SF3A3: variants seen among roughly 807,000 people sequenced by gnomAD.
SF3A3 encodes SAP 61.
SF3A3 carries 9 observed loss-of-function variants against 85.8 expected under a neutral mutation model. That is an observed-to-expected ratio of 0.10 (90% CI 0.06 to 0.18). The LOEUF (loss-of-function observed/expected upper bound fraction) is 0.18. Ranked by LOEUF, SF3A3 falls within the 10% of genes least tolerant of loss-of-function variation. The pLI, the probability that SF3A3 is intolerant of heterozygous loss-of-function variation, is 1.00. For synonymous variants in SF3A3, 195 were observed against 204.4 expected, an observed-to-expected ratio of 0.95 and a Z score of 0.39; for missense variants, 306 against 593.3, an observed-to-expected ratio of 0.52 and a Z score of 5.03.
intron 2 of SF3A3, 100 bp from the exon 3 acceptor site, chr1:37,987,936 A>G: frequency 2.2e-6 from 2 of 905,182 alleles, no homozygotes; most frequent in Non-Finnish European, 3.7e-6. Context: ...GGGCAACCTC[A>G]AGAGACATGG....
At chr1:37,989,487 A>G in intron 2 of SF3A3, 61 bp downstream of exon 2, 1 of 1,575,416 alleles carries the variant, frequency 6.3e-7, no homozygotes, top group Admixed American at 1.8e-5. Context: ...ACCGCACTTC[A>G]CTTCCCCTCT....
rs1216195224 is a variant in SF3A3 at position 37,984,206 on chromosome 1, T to C, written c.431A>G (p.Asp144Gly). 2 of 1,609,896 alleles carry C rather than the reference T, an allele frequency of 1.2e-6. No individual in the cohort carries two copies. Among genetic ancestry groups the C allele is most frequent in the Admixed American group, 1.7e-5 (1 of 59,854 alleles). ...CAGGTTAATGTACTTGAGGTAACAG[T>C]CATGGAGATCGAGATAACGACCATA... ...EGYGRYLDLH[D>G]CYLKYINLKA... Residue 144 changes from aspartate to glycine, a missense_variant, in exon 6 of 17, where the codon GAC becomes GGC. Physicochemically the swap from Asp to Gly is moderately conservative, Grantham distance 94. Coordinates refer to ENST00000373019, the MANE Select transcript of SF3A3 (RefSeq NM_006802.4).
chr1:37,979,416 G>C (rs1318710188), intron 9 of SF3A3, 49 bp downstream of exon 9: 1 of 1,410,088 alleles, frequency 7.1e-7, no homozygotes, highest in South Asian at 1.2e-5. Context: ...AGTCTTTAAA[G>C]ACAGAAAAAT....
rs1228946684 is a variant in SF3A3 at position 37,980,587 on chromosome 1, G to A, written c.689C>T (p.Pro230Leu). The A allele has an allele frequency of 2.5e-6, 4 of 1,613,356 alleles. No homozygotes were observed. The highest frequency in any genetic ancestry group is 1.1e-5 in the South Asian group (1 of 91,030). ...KWENGTFPGW[P>L]KETSSALTHA... ...CATTCACATCCCACTGAAGCTCACC[G>A]GCCATCCAGGAAAGGTCCCATTCTC... is the stretch of plus-strand genomic sequence containing the variant. The change falls in exon 8 of 17, where the codon CCG (proline) becomes CTG (leucine). Residue 230 changes from proline (P) to leucine (L), a missense_variant and splice_region_variant. Pro to Leu is a moderately conservative substitution (Grantham distance 98). Around this residue, in one of 4 missense-constraint regions of SF3A3, gnomAD observed 136 missense variants for 296.6 expected, o/e 0.46. Transcript: ENST00000373019.
chr1:37,967,672 C>T (rs577843991), intron 15 of SF3A3, among the ~76,000 whole-genome samples: 4 of 78,622 alleles, frequency 5.1e-5, no homozygotes, highest in Admixed American at 1.7e-4. Context: ...AGTGAGACTC[C>T]GTCACAAAAA....
Position 37,957,060 on chromosome 1 carries a change from C to A in SF3A3, c.*1126G>T, listed in dbSNP as rs1395675368. The A allele has an allele frequency of 6.6e-6, 1 of 152,184 alleles. No individual in the cohort carries two copies. The highest frequency in any genetic ancestry group is 1.5e-5 in the Non-Finnish European group (1 of 68,042). 9.4% of individuals were successfully genotyped at this position (152,184 alleles called of 1,614,324 possible). A position where few individuals can be genotyped will look rare whatever the true frequency, so the allele number is the denominator to read the frequency against. On this transcript the variant is annotated 3_prime_UTR_variant, in exon 17 of 17. Transcript: ENST00000373019. ...GGGGTCTCTGGGGGATCCTGTCCTGCAGCAGGCCTGACTTTCAGATGACTG... is the reference window on the plus strand; with the variant it reads ...GGGGTCTCTGGGGGATCCTGTCCTGAAGCAGGCCTGACTTTCAGATGACTG...
chr1:37,961,759 C>CAAAAAAAAAAAAAAAAAAA, intron 15 of SF3A3, among the ~76,000 whole-genome samples: 19 of 37,788 alleles, frequency 5.0e-4, no homozygotes, highest in East Asian at 2.6e-3. Context: ...GCAAGACTGC[C>CAAAAAAAAAAAAAAAAAAA]AAAAAAAAAA....
intron 12 of SF3A3, among the ~76,000 whole-genome samples, chr1:37,970,141 C>A (rs1456855666): frequency 6.6e-6 from 1 of 151,832 alleles, no homozygotes; most frequent in Non-Finnish European, 1.5e-5. Context: ...CTCATCTCTA[C>A]AAAACATTTA....
intron 12 of SF3A3, among the ~76,000 whole-genome samples, chr1:37,976,033 G>C (rs769818676): frequency 1.3e-5 from 2 of 152,106 alleles, no homozygotes; most frequent in Non-Finnish European, 2.9e-5. Context: ...GCGCATGCCT[G>C]TAGTCCCAGC....
chr1:37,983,291 A>G (rs2148723681), intron 6 of SF3A3, among the ~76,000 whole-genome samples: 1 of 150,418 alleles, frequency 6.6e-6, no homozygotes, highest in African/African-American at 2.4e-5. Flanking sequence ...ATTTAAAGAA[A>G]TCTTATGTAA....
intron 12 of SF3A3, among the ~76,000 whole-genome samples, chr1:37,971,414 G>A (rs570769427): frequency 2.6e-5 from 4 of 152,138 alleles, no homozygotes; most frequent in Admixed American, 2.0e-4. Context: ...TCACAGCCGA[G>A]TTCTACCAGA....
intron 6 of SF3A3, 21 bp downstream of exon 6, chr1:37,984,148 C>G: frequency 7.1e-7 from 1 of 1,411,516 alleles, no homozygotes; most frequent in South Asian, 1.2e-5. Context: ...CAGAACCTCT[C>G]TGCCCTTTCC....
intron 4 of SF3A3, 88 bp from the exon 5 acceptor site, chr1:37,984,867 G>A (rs967287897): frequency 5.5e-6 from 6 of 1,089,412 alleles, no homozygotes; most frequent in Non-Finnish European, 8.4e-6. Flanking sequence ...GAGTGCACTG[G>A]CACAATCTTG....
rs1646382797 is a variant in SF3A3, at chr1:37,976,876, T to A, written c.1005+8A>T. Reference sequence around the variant, plus strand: ...ACCATTTTCCACTTTCAGCAGTCAGTCACTTACCCCGAGAATCTCTACATA... The same window carrying A: ...ACCATTTTCCACTTTCAGCAGTCAGACACTTACCCCGAGAATCTCTACATA... On this transcript the variant is annotated splice_region_variant and intron_variant, in intron 12 of 16. Coordinates refer to ENST00000373019, the MANE Select transcript of SF3A3 (RefSeq NM_006802.4). The A allele has an allele frequency of 1.3e-6, 2 of 1,557,026 alleles. No individual in the cohort carries two copies. The highest frequency in any genetic ancestry group is 1.8e-6 in the Non-Finnish European group (2 of 1,128,408).
intron 1 of SF3A3, 105 bp downstream of exon 1, chr1:37,989,765 C>T (rs1646482508): frequency 1.6e-6 from 2 of 1,226,732 alleles, no homozygotes; most frequent in African/African-American, 1.5e-5. Context: ...AGAGGGAGCC[C>T]GGAGGAAGGC....
chr1:37,975,180 G>A (rs1022061118), intron 12 of SF3A3, among the ~76,000 whole-genome samples: 6 of 152,306 alleles, frequency 3.9e-5, no homozygotes, highest in African/African-American at 1.4e-4. Context: ...GGCTAGAACT[G>A]GTTGGAATTC....
intron 15 of SF3A3, among the ~76,000 whole-genome samples, chr1:37,965,563 G>C (rs1646293572): frequency 6.6e-6 from 1 of 152,138 alleles, no homozygotes; most frequent in African/African-American, 2.4e-5. Flanking sequence ...AGACCAGCCT[G>C]GGCAACATGG....
chr1:37,977,816 G>T (rs1372980221), intron 11 of SF3A3, among the ~76,000 whole-genome samples: 1 of 152,024 alleles, frequency 6.6e-6, no homozygotes, highest in Non-Finnish European at 1.5e-5. Context: ...TTGAGCCTGG[G>T]TGACAGAGGA....
chr1:37,971,726 C>T (rs1396892580), intron 12 of SF3A3, among the ~76,000 whole-genome samples: 2 of 152,158 alleles, frequency 1.3e-5, no homozygotes, highest in Non-Finnish European at 2.9e-5. Flanking sequence ...AAACGTAATC[C>T]ATCATATAAA....
Sources: gnomAD v4.1 joint callset for allele counts (sites outside exome capture counted in the v4.1 genomes callset) on GRCh38, gnomAD v4.1.1 for gene constraint, gnomAD v4.1.1 regional missense constraint, MANE v1.5 for transcripts, NCBI Gene and HGNC (gene_info 2026-07-23, HGNC 2026-07-21) for gene names.